Variants in KLHDC10 observed in about 807,000 individuals in gnomAD.
The protein encoded by KLHDC10 is kelch domain containing 10.
A neutral mutation model predicts 56.1 loss-of-function variants in KLHDC10; 24 were observed. That is an observed-to-expected ratio of 0.43 (90% CI 0.31 to 0.60). The LOEUF (loss-of-function observed/expected upper bound fraction) is 0.60. Among genes scored for constraint, KLHDC10 ranks in the 20% least tolerant of loss-of-function variants. KLHDC10 has a pLI of 0.11. For synonymous variants in KLHDC10, 188 were observed against 207.1 expected (o/e 0.91, Z 0.79); for missense variants, 349 against 567.0 (o/e 0.62, Z 3.91).
At chr7:130,105,011 C>T (rs553283988) in intron 2 of KLHDC10, among the ~76,000 whole-genome samples, 1 of 152,234 alleles carries the variant, frequency 6.6e-6, no homozygotes, top group East Asian at 1.9e-4. Context: ...AAGGCGCTCA[C>T]CCTCATTGCA....
chr7:130,083,268 T>G (rs1443903955), intron 1 of KLHDC10, among the ~76,000 whole-genome samples: 1 of 152,186 alleles, frequency 6.6e-6, no homozygotes, highest in African/African-American at 2.4e-5. Context: ...TCACATTAGA[T>G]TCCTTCCTTT....
At position 130,116,862 on chromosome 7, in the gene KLHDC10, G is replaced by A. The variant is rs1796175352; in HGVS notation, c.475+196G>A. 6.6e-6 allele frequency among the ~76,000 whole-genome samples: 1 copy of A among 152,146 alleles called. No individual in the cohort carries two copies. The highest frequency in any genetic ancestry group is 2.4e-5 in the African/African-American group (1 of 41,424). ...TCCTGAGTTTGAATTCAGCTTGTCAGGTGAGTTTTAGCTTTAATTTCCTAA... is the reference window on the plus strand; with the variant it reads ...TCCTGAGTTTGAATTCAGCTTGTCAAGTGAGTTTTAGCTTTAATTTCCTAA... On this transcript the variant is annotated intron_variant, in intron 3 of 9. Transcript: ENST00000335420. This position sits in a 1 kb window ranked among gnomAD's most constrained non-coding sequence, Gnocchi z 4.8.
chr7:130,089,752 A>G (rs1795744479), intron 1 of KLHDC10, among the ~76,000 whole-genome samples: 1 of 152,150 alleles, frequency 6.6e-6, no homozygotes, highest in South Asian at 2.1e-4. Flanking sequence ...GCGATTCCAA[A>G]TACAGTATTA....
chr7:130,089,631 G>A (rs1055605203), intron 1 of KLHDC10, among the ~76,000 whole-genome samples: 2 of 152,146 alleles, frequency 1.3e-5, no homozygotes, highest in African/African-American at 4.8e-5. Flanking sequence ...CCTCTTCCAG[G>A]TAGACATAGT....
intron 1 of KLHDC10, among the ~76,000 whole-genome samples, chr7:130,096,639 AT>A (rs1387808372): frequency 6.6e-6 from 1 of 152,174 alleles, no homozygotes; most frequent in African/African-American, 2.4e-5. Context: ...ACAAGATGGC[AT>A]TGGTGATTAT....
intron 2 of KLHDC10, among the ~76,000 whole-genome samples, chr7:130,110,804 C>T (rs1215621522): frequency 6.6e-6 from 1 of 152,030 alleles, no homozygotes; most frequent in Non-Finnish European, 1.5e-5. Context: ...TTTAAAATGG[C>T]CTCACCACAA....
At chr7:130,103,096 A>C (rs190619482) in intron 2 of KLHDC10, among the ~76,000 whole-genome samples, 1 of 152,272 alleles carries the variant, frequency 6.6e-6, no homozygotes, top group East Asian at 1.9e-4. Flanking sequence ...GAGTTACAGA[A>C]GGAAAGATCA....
intron 1 of KLHDC10, among the ~76,000 whole-genome samples, chr7:130,073,628 C>G (rs1281801108): frequency 6.6e-6 from 1 of 152,082 alleles, no homozygotes; most frequent in Non-Finnish European, 1.5e-5. Flanking sequence ...CCTTCTCTAC[C>G]AAGACTTCCA....
chr7:130,095,976 C>T (rs1051141164), intron 1 of KLHDC10, among the ~76,000 whole-genome samples: 1 of 152,192 alleles, frequency 6.6e-6, no homozygotes, highest in Non-Finnish European at 1.5e-5. Context: ...GTTTACACAT[C>T]TGCCTTCCTT....
At position 130,116,673 on chromosome 7, in the gene KLHDC10, G is replaced by A; in HGVS notation, c.475+7G>A. 6.2e-7 allele frequency: 1 copy of A among 1,609,576 alleles called. No individual in the cohort carries two copies. Among genetic ancestry groups the A allele is most frequent in the Non-Finnish European group, 8.5e-7 (1 of 1,176,152 alleles). On this transcript the variant is annotated splice_region_variant and intron_variant, in intron 3 of 9. Coordinates refer to ENST00000335420, the MANE Select transcript of KLHDC10 (RefSeq NM_014997.4). The surrounding 1 kb of genome is among the most constrained non-coding windows in gnomAD (Gnocchi z 4.8). ...GAATTGGCATCTATGTCACGTGAGT[G>A]CAAGCAGTTCGTAACTCCTGACTTT...
At chr7:130,084,991 G>A (rs1383637913) in intron 1 of KLHDC10, among the ~76,000 whole-genome samples, 1 of 152,024 alleles carries the variant, frequency 6.6e-6, no homozygotes, top group Non-Finnish European at 1.5e-5. Flanking sequence ...CAAGGGAGAT[G>A]GTGAGGCTCA....
At chr7:130,071,988 A>G (rs1289381610) in intron 1 of KLHDC10, among the ~76,000 whole-genome samples, 1 of 152,216 alleles carries the variant, frequency 6.6e-6, no homozygotes, top group East Asian at 1.9e-4. Context: ...CCCCATTTAT[A>G]TGCATTAAAT....
At chr7:130,113,207 A>C (rs1796124225) in intron 2 of KLHDC10, among the ~76,000 whole-genome samples, 1 of 152,152 alleles carries the variant, frequency 6.6e-6, no homozygotes, top group Non-Finnish European at 1.5e-5. Context: ...GCTCATGGCT[A>C]CTGACTTGGG....
chr7:130,109,435 A>G (rs1028282906), intron 2 of KLHDC10, among the ~76,000 whole-genome samples: 3 of 151,866 alleles, frequency 2.0e-5, no homozygotes, highest in African/African-American at 7.3e-5. Flanking sequence ...CTATTTTGCC[A>G]TATCTCTTTA....
chr7:130,122,025 G>A lies in KLHDC10; in HGVS notation c.631-29G>A, dbSNP rs749735341. The A allele has an allele frequency of 1.3e-5, 20 of 1,591,918 alleles. No homozygotes were observed. In the East Asian group the frequency reaches 2.0e-4, roughly 16 times the overall value. On this transcript the variant is annotated intron_variant, in intron 4 of 9. Transcript: ENST00000335420. ...TTCTTTAATCAAGTGTTAACAAGTC[G>A]GTCTTATTCACCTTTCCTTGTTATC...
rs1399392231 is a variant in KLHDC10 at position 130,092,300 on chromosome 7, AAAAC to A, written c.167-4613_167-4610del. On this transcript the variant is annotated intron_variant, in intron 1 of 9. Coordinates refer to ENST00000335420, the MANE Select transcript of KLHDC10 (RefSeq NM_014997.4). ...ATAGGATTAGCTTGTTCATTTTGGC[AAAAC>A]AAACAAAAAGCTAGTTGAAATTTTA... Among the ~76,000 whole-genome samples, 3 of 152,342 alleles carry A rather than the reference AAAAC, an allele frequency of 2.0e-5. No individual in the cohort carries two copies. In the East Asian group the frequency reaches 5.8e-4, roughly 29 times the overall value.
intron 2 of KLHDC10, among the ~76,000 whole-genome samples, chr7:130,105,050 G>A (rs557392844): frequency 6.6e-6 from 1 of 152,216 alleles, no homozygotes; most frequent in South Asian, 2.1e-4. Flanking sequence ...AAAACCACGA[G>A]AGCTCTACAA....
intron 7 of KLHDC10, 52 bp downstream of exon 7, chr7:130,125,983 T>C: frequency 2.3e-6 from 3 of 1,308,404 alleles, no homozygotes; most frequent in Non-Finnish European, 3.2e-6. Flanking sequence ...TATTATACTT[T>C]TACTCATTTT....
intron 2 of KLHDC10, among the ~76,000 whole-genome samples, chr7:130,115,855 T>A (rs1796160128): frequency 6.6e-6 from 1 of 152,196 alleles, no homozygotes; most frequent in African/African-American, 2.4e-5. Flanking sequence ...AGATTCTTTG[T>A]TAACCTCCAT....
Sources: allele counts gnomAD v4.1 joint callset (sites outside exome capture counted in the v4.1 genomes callset), GRCh38; gene constraint gnomAD v4.1.1; non-coding constraint Gnocchi (gnomAD v3.1); transcripts MANE v1.5; gene names NCBI Gene and HGNC (gene_info 2026-07-23, HGNC 2026-07-21).